Variants in ITPR1 observed in about 807,000 individuals in gnomAD.
ITPR1 encodes the protein inositol 1,4,5-trisphosphate-gated calcium channel ITPR1.
ITPR1 carries 96 observed loss-of-function variants against 318.4 expected under a neutral mutation model. The observed-to-expected ratio is 0.30, with a 90% confidence interval of 0.26 to 0.36. ITPR1 has a LOEUF of 0.36. ITPR1 is among the 10% of genes least tolerant of loss of function. The pLI is 1.00. For synonymous variants in ITPR1, 1,312 were observed against 1,289.9 expected, an observed-to-expected ratio of 1.02 and a Z score of -0.37; for missense variants, 2,440 against 3,460.2, an observed-to-expected ratio of 0.71 and a Z score of 7.40.
chr3:4,514,160 T>C (rs1304285928), intron 2 of ITPR1, among the ~76,000 whole-genome samples: 2 of 152,012 alleles, frequency 1.3e-5, no homozygotes, highest in Admixed American at 1.3e-4. Flanking sequence ...TTATGTGATG[T>C]GGGGATCTTA....
At position 4,669,370 on chromosome 3, in the gene ITPR1, T is replaced by G. The variant is rs1178693592; in HGVS notation, c.1887-284T>G. 2.6e-5 allele frequency among the ~76,000 whole-genome samples: 4 copies of G among 152,194 alleles called. No individual in the cohort carries two copies. In the East Asian group the frequency reaches 7.7e-4, roughly 29 times the overall value. On this transcript the variant is annotated intron_variant, in intron 18 of 61. Coordinates refer to ENST00000649015, the MANE Select transcript of ITPR1 (RefSeq NM_001378452.1). ...GGTTCCCCTGTGTCTCCACCACACC[T>G]TCCTTATGTGAGCTGCTTTCTTGTC... is the stretch of plus-strand genomic sequence containing the variant.
At chr3:4,706,041 A>G (rs1225514711) in intron 36 of ITPR1, 126 bp from the exon 37 acceptor site, 15 of 895,690 alleles carry the variant, frequency 1.7e-5, no homozygotes, top group Non-Finnish European at 2.6e-5. Flanking sequence ...TTTAAGCTCA[A>G]TACCAGGCAA....
chr3:4,774,217 G>A (rs907320757), intron 46 of ITPR1, among the ~76,000 whole-genome samples: 1 of 152,020 alleles, frequency 6.6e-6, no homozygotes, highest in Non-Finnish European at 1.5e-5. Flanking sequence ...GGATCTACTC[G>A]GTGTTTCTAA....
rs1201614435 is a variant in ITPR1 at position 4,813,223 on chromosome 3, C to T, written c.7550C>T (p.Ala2517Val). The T allele has an allele frequency of 3.7e-6, 6 of 1,610,042 alleles. No homozygotes were observed. Among genetic ancestry groups the T allele is most frequent in the South Asian group, 1.1e-5 (1 of 90,720 alleles). The change falls in exon 57 of 62, where the codon GCA becomes GTA. Residue 2517 changes from alanine to valine, a missense_variant. Coordinates refer to ENST00000649015, the MANE Select transcript of ITPR1 (RefSeq NM_001378452.1). ...VESGENCSSPAPREELVPAEE... is the reference protein window; with the variant it reads ...VESGENCSSPVPREELVPAEE... ...AGTGGGGAGAACTGCTCCTCTCCTG[C>T]ACCCAGAGAAGGTAGGACCTCCTAA...
intron 4 of ITPR1, among the ~76,000 whole-genome samples, chr3:4,574,439 G>A (rs890301348): frequency 1.3e-5 from 2 of 152,104 alleles, no homozygotes; most frequent in African/African-American, 4.8e-5. Context: ...GGAGATGGTC[G>A]GTTGACAAGT....
In ITPR1 at chr3:4,641,956, A is replaced by G. The variant is rs528442803; in HGVS notation, c.367-137A>G. On this transcript the variant is annotated intron_variant, in intron 6 of 61. Coordinates refer to ENST00000649015, the MANE Select transcript of ITPR1 (RefSeq NM_001378452.1). ...TTTCTAATCATCTGCAGCCGTAGGCACTTTGTGATTCTCTGGCTTCACCAG... is the reference window on the plus strand; with the variant it reads ...TTTCTAATCATCTGCAGCCGTAGGCGCTTTGTGATTCTCTGGCTTCACCAG... 1.2e-5 allele frequency: 7 copies of G among 586,148 alleles called. No homozygotes were observed. The Admixed American group carries it at 1.7e-4, about 15-fold the overall frequency. 36.3% of individuals were successfully genotyped at this position (586,148 alleles called of 1,614,324 possible). A position where few individuals can be genotyped will look rare whatever the true frequency, so the allele number is the denominator to read the frequency against.
intron 21 of ITPR1, 143 bp from the exon 22 acceptor site, chr3:4,674,059 A>G: frequency 3.3e-6 from 2 of 603,208 alleles, no homozygotes; most frequent in Non-Finnish European, 5.7e-6. Context: ...AGTTGGTGAT[A>G]TATGCTAAGG....
intron 44 of ITPR1, among the ~76,000 whole-genome samples, chr3:4,741,202 G>A (rs1183955188): frequency 2.0e-5 from 3 of 151,992 alleles, no homozygotes; most frequent in Non-Finnish European, 2.9e-5. Flanking sequence ...GACATACCTC[G>A]TTTTTTATTT....
At chr3:4,807,897 G>C (rs893451413) in intron 55 of ITPR1, among the ~76,000 whole-genome samples, 1 of 152,248 alleles carries the variant, frequency 6.6e-6, no homozygotes, top group African/African-American at 2.4e-5. Flanking sequence ...GCAGAGTTCA[G>C]TTGGTGGTCT....
At chr3:4,777,110 C>T (rs2046532181) in intron 47 of ITPR1, among the ~76,000 whole-genome samples, 154 bp from the exon 48 acceptor site, 1 of 152,208 alleles carries the variant, frequency 6.6e-6, no homozygotes, top group Non-Finnish European at 1.5e-5. Flanking sequence ...GTCTTTTATT[C>T]TTACCACTTT....
Position 4,826,745 on chromosome 3 carries a change from C to T in ITPR1, c.8028+8503C>T, listed in dbSNP as rs1487018580. On this transcript the variant is annotated intron_variant, in intron 60 of 61. Transcript: ENST00000649015. This position sits in a 1 kb window ranked among gnomAD's most constrained non-coding sequence, Gnocchi z 4.2. ...GGCACTTTCCTTTCATTGTGAGGCA[C>T]TTGGCGTTTGGGCCCCGGTTCTGCA... Among the ~76,000 whole-genome samples the T allele has an allele frequency of 6.6e-6, 1 of 152,238 alleles. No individual in the cohort carries two copies. The highest frequency in any genetic ancestry group is 1.9e-4 in the East Asian group (1 of 5,196).
chr3:4,623,688 T>C (rs758164925), intron 4 of ITPR1, among the ~76,000 whole-genome samples: 2 of 152,220 alleles, frequency 1.3e-5, no homozygotes, highest in African/African-American at 4.8e-5. Context: ...AACCTGCAAA[T>C]TGCAAAATTT....
At chr3:4,760,854 C>T (rs1189682947) in intron 44 of ITPR1, among the ~76,000 whole-genome samples, 8 of 152,176 alleles carry the variant, frequency 5.3e-5, no homozygotes, top group South Asian at 2.1e-4. Context: ...TGGGCCCACC[C>T]GGGTAATCCA....
At chr3:4,552,480 T>A (rs2085666137) in intron 4 of ITPR1, among the ~76,000 whole-genome samples, 1 of 152,286 alleles carries the variant, frequency 6.6e-6, no homozygotes, top group South Asian at 2.1e-4. Context: ...AGGATACAGA[T>A]AACCAGAGGA....
chr3:4,526,466 G>A (rs2082985893), intron 4 of ITPR1, among the ~76,000 whole-genome samples: 1 of 152,206 alleles, frequency 6.6e-6, no homozygotes, highest in African/African-American at 2.4e-5. Flanking sequence ...CCAGCGCTGA[G>A]GCCCTACTGT....
intron 44 of ITPR1, among the ~76,000 whole-genome samples, chr3:4,765,264 G>C (rs2125370954): frequency 6.6e-6 from 1 of 152,238 alleles, no homozygotes; most frequent in South Asian, 2.1e-4. Flanking sequence ...CAGGCAGGAT[G>C]GATGGATCCT....
In ITPR1 at chr3:4,670,780, T is replaced by C; in HGVS notation, c.2058T>C (p.Asn686=). 1.2e-6 allele frequency: 2 copies of C among 1,607,204 alleles called. No homozygotes were observed. Residue 686 remains asparagine (N), a synonymous_variant, in exon 20 of 62, where the codon AAT becomes AAC. Coordinates refer to ENST00000649015, the MANE Select transcript of ITPR1 (RefSeq NM_001378452.1). ...AAGGTGTCTCTTCCACTGGAGAGAATGCTCTGGAGGCAGGAGAAGACGAGG... is the reference window on the plus strand; with the variant it reads ...AAGGTGTCTCTTCCACTGGAGAGAACGCTCTGGAGGCAGGAGAAGACGAGG... The part of the protein sequence containing the change: ...EFEGVSSTGE[N]ALEAGEDEEE...
intron 60 of ITPR1, among the ~76,000 whole-genome samples, chr3:4,824,083 T>C (rs1463139228): frequency 1.3e-5 from 2 of 152,168 alleles, no homozygotes; most frequent in East Asian, 3.8e-4. Context: ...GCTACTTCTG[T>C]AGGACAGCAT....
At chr3:4,763,824 C>T (rs369396032) in intron 44 of ITPR1, among the ~76,000 whole-genome samples, 2 of 152,228 alleles carry the variant, frequency 1.3e-5, no homozygotes, top group South Asian at 4.1e-4. Flanking sequence ...CCCGATTGGC[C>T]GTCAGACAGC....
Sources: gnomAD v4.1 joint callset for allele counts (sites outside exome capture counted in the v4.1 genomes callset) on GRCh38, gnomAD v4.1.1 for gene constraint, Gnocchi (gnomAD v3.1) non-coding constraint, MANE v1.5 for transcripts, NCBI Gene and HGNC (gene_info 2026-07-23, HGNC 2026-07-21) for gene names.